Variants in ST3GAL4 observed in about 807,000 individuals in gnomAD.
The protein encoded by ST3GAL4 is CMP-N-acetylneuraminate-beta-galactosamide-alpha-2,3-sialyltransferase 4.
Under a neutral mutation model 42.6 loss-of-function variants are expected in ST3GAL4, and 24 were observed. The observed-to-expected ratio is 0.56, with a 90% CI of 0.41 to 0.79. ST3GAL4 has a LOEUF of 0.79. Ranked by LOEUF, ST3GAL4 falls within the 30% of genes least tolerant of loss-of-function variation. ST3GAL4 has a pLI of 0.00. For synonymous variants in ST3GAL4, 135 were observed against 163.2 expected, an observed-to-expected ratio of 0.83 and a Z score of 1.32; for missense variants, 311 against 430.8, an observed-to-expected ratio of 0.72 and a Z score of 2.46.
chr11:126,362,193 C>CTTT (rs763280766), intron 1 of ST3GAL4, among the ~76,000 whole-genome samples: 5 of 119,076 alleles, frequency 4.2e-5, no homozygotes, highest in African/African-American at 9.9e-5. Context: ...ACATTTCTTC[C>CTTT]TTTTTTTTTT....
rs956872542 is a variant in ST3GAL4, at chr11:126,398,272, T to C, written c.-60-7824T>C. The stretch of plus-strand genomic sequence containing the variant: ...GATATTCCATTCCAAAAGGGAGAGA[T>C]AGGCAAGAAGAAAGGGGCAACTGGT... On this transcript the variant is annotated intron_variant, in intron 1 of 10. Coordinates refer to ENST00000444328, the MANE Select transcript of ST3GAL4 (RefSeq NM_001254757.2). The surrounding 1 kb of genome is among the most constrained non-coding windows in gnomAD (Gnocchi z 4.7). Among the ~76,000 whole-genome samples the C allele has an allele frequency of 2.0e-5, 3 of 152,118 alleles. No homozygotes were observed. Among genetic ancestry groups the C allele is most frequent in the East Asian group, 1.9e-4 (1 of 5,186 alleles).
rs1270384674 is a variant in ST3GAL4, at chr11:126,363,275, C to G, written c.-61+7433C>G. Among the ~76,000 whole-genome samples the G allele has an allele frequency of 6.6e-6, 1 of 152,208 alleles. No individual in the cohort carries two copies. The highest frequency in any genetic ancestry group is 1.5e-5 in the Non-Finnish European group (1 of 68,028). Reference sequence around the variant, plus strand: ...GCCTTCTCTTTCCACCCCTAGATTTCTCACCATCTTCAGTGATCCCTCCTC... The same window carrying G: ...GCCTTCTCTTTCCACCCCTAGATTTGTCACCATCTTCAGTGATCCCTCCTC... On this transcript the variant is annotated intron_variant, in intron 1 of 10. Coordinates refer to ENST00000444328, the MANE Select transcript of ST3GAL4 (RefSeq NM_001254757.2). This position sits in a 1 kb window ranked among gnomAD's most constrained non-coding sequence, Gnocchi z 4.6.
chr11:126,390,049 G>GGGGGGCGCCT (rs1442856889), intron 1 of ST3GAL4, among the ~76,000 whole-genome samples: 1 of 148,052 alleles, frequency 6.8e-6, no homozygotes, highest in East Asian at 2.1e-4. Flanking sequence ...TGGGCGCGGT[G>GGGGGGCGCCT]GGGGGCGCCT....
rs1953265493 is a variant in ST3GAL4 at position 126,387,329 on chromosome 11, C to T, written c.-60-18767C>T. 3.3e-5 allele frequency among the ~76,000 whole-genome samples: 5 copies of T among 152,232 alleles called. No individual in the cohort carries two copies. The South Asian group carries it at 1.0e-3, about 32-fold the overall frequency. On this transcript the variant is annotated intron_variant, in intron 1 of 10. Coordinates refer to ENST00000444328, the MANE Select transcript of ST3GAL4 (RefSeq NM_001254757.2). ...GTGAGATTTCAATATTTTTTTTCTTCCTCCTTTTTTTAAATCAAATTTTAT... is the reference window on the plus strand; with the variant it reads ...GTGAGATTTCAATATTTTTTTTCTTTCTCCTTTTTTTAAATCAAATTTTAT...
Position 126,383,498 on chromosome 11 carries a change from TGGG to T in ST3GAL4, c.-60-22593_-60-22591del, listed in dbSNP as rs561363210. On this transcript the variant is annotated intron_variant, in intron 1 of 10. Transcript: ENST00000444328. This position sits in a 1 kb window ranked among gnomAD's most constrained non-coding sequence, Gnocchi z 4.5. ...AATGGGGGAAAAGAGTGCCCTGGCT[TGGG>T]GGGGCCCTCAAGCCCCGGAAGCTGT... Among the ~76,000 whole-genome samples the T allele has an allele frequency of 6.6e-6, 1 of 151,394 alleles. No homozygotes were observed. The highest frequency in any genetic ancestry group is 2.4e-5 in the African/African-American group (1 of 41,160).
rs576390423 is a variant in ST3GAL4, at chr11:126,384,001, C to T, written c.-60-22095C>T. The stretch of plus-strand genomic sequence containing the variant: ...CCCACCCTCATCTTTGCCGAGTCCT[C>T]GTCTGGGGGCCCTGCCCCACTCTCC... On this transcript the variant is annotated intron_variant, in intron 1 of 10. Transcript: ENST00000444328. This position sits in a 1 kb window ranked among gnomAD's most constrained non-coding sequence, Gnocchi z 5.5. 3.3e-5 allele frequency among the ~76,000 whole-genome samples: 5 copies of T among 152,298 alleles called. No homozygotes were observed. Among genetic ancestry groups the T allele is most frequent in the Admixed American group, 6.5e-5 (1 of 15,302 alleles).
At chr11:126,408,649 C>A in intron 8 of ST3GAL4, 153 bp downstream of exon 8, 2 of 900,298 alleles carry the variant, frequency 2.2e-6, no homozygotes, top group Non-Finnish European at 3.3e-6. Flanking sequence ...CCTTAGGCTG[C>A]CCTCCAAGGG....
intron 1 of ST3GAL4, among the ~76,000 whole-genome samples, chr11:126,374,376 C>T (rs566950243): frequency 1.4e-5 from 2 of 144,930 alleles, no homozygotes; most frequent in East Asian, 2.1e-4. Context: ...TGCTTGAACC[C>T]GGGAGGTGGA....
At chr11:126,404,760 T>A (rs566375216) in intron 1 of ST3GAL4, among the ~76,000 whole-genome samples, 1 of 152,382 alleles carries the variant, frequency 6.6e-6, no homozygotes, top group East Asian at 1.9e-4. Flanking sequence ...TGAGGCAGTC[T>A]GACCCTGGTC....
intron 1 of ST3GAL4, among the ~76,000 whole-genome samples, chr11:126,389,166 T>G (rs1953372088): frequency 6.6e-6 from 1 of 152,214 alleles, no homozygotes; most frequent in African/African-American, 2.4e-5. Context: ...AAATTTTATG[T>G]AGGTGAATAT....
chr11:126,394,586 G>A (rs1369903013), intron 1 of ST3GAL4, among the ~76,000 whole-genome samples: 2 of 151,924 alleles, frequency 1.3e-5, no homozygotes, highest in African/African-American at 2.4e-5. Context: ...CACCATGCCC[G>A]GCTAATTTTT....
At chr11:126,367,065 C>T (rs1387879739) in intron 1 of ST3GAL4, among the ~76,000 whole-genome samples, 4 of 152,010 alleles carry the variant, frequency 2.6e-5, no homozygotes, top group African/African-American at 7.3e-5. Context: ...TAGGGGGCAC[C>T]GTGGTGGAGA....
rs1193687622 is a variant in ST3GAL4 at position 126,414,162 on chromosome 11, G to A, written c.*115G>A. On this transcript the variant is annotated 3_prime_UTR_variant, in exon 11 of 11. Transcript: ENST00000444328. ...ACCCACTTGGACTCACCCCCTCTTG[G>A]GGAGGGAGTTCTGGGCCTGGCCAGG... is the stretch of plus-strand genomic sequence containing the variant. The A allele has an allele frequency of 9.9e-7, 1 of 1,012,658 alleles. No homozygotes were observed. The highest frequency in any genetic ancestry group is 1.5e-6 in the Non-Finnish European group (1 of 646,696). The allele number at this position is 1,012,658 out of a possible 1,614,324, so 62.7% of individuals were successfully genotyped here. A position where few individuals can be genotyped will look rare whatever the true frequency, so the allele number is the denominator to read the frequency against.
intron 1 of ST3GAL4, among the ~76,000 whole-genome samples, chr11:126,381,361 G>A (rs1231808557): frequency 3.9e-5 from 6 of 152,128 alleles, no homozygotes; most frequent in Non-Finnish European, 7.3e-5. Flanking sequence ...GACCCATTCC[G>A]GCTCCATATG....
rs559347319 is a variant in ST3GAL4, at chr11:126,406,813, A to C, written c.102-130A>C. 1.7e-5 allele frequency: 17 copies of C among 1,009,582 alleles called. No homozygotes were observed. The highest frequency in any genetic ancestry group is 2.6e-5 in the Non-Finnish European group (17 of 665,054). The allele number at this position is 1,009,582 out of a possible 1,614,324, so 62.5% of individuals were successfully genotyped here. A position where few individuals can be genotyped will look rare whatever the true frequency, so the allele number is the denominator to read the frequency against. ...CCTCAAGGACTTGGGTTCCAAGTGGAACTTAACTTGAGATGATTCCTCCCC... is the reference window on the plus strand; with the variant it reads ...CCTCAAGGACTTGGGTTCCAAGTGGCACTTAACTTGAGATGATTCCTCCCC... On this transcript the variant is annotated intron_variant, in intron 3 of 10. Coordinates refer to ENST00000444328, the MANE Select transcript of ST3GAL4 (RefSeq NM_001254757.2). This position sits in a 1 kb window ranked among gnomAD's most constrained non-coding sequence, Gnocchi z 5.4.
chr11:126,414,094 G>T lies in ST3GAL4; in HGVS notation c.*47G>T, dbSNP rs372127336. On this transcript the variant is annotated 3_prime_UTR_variant, in exon 11 of 11. Coordinates refer to ENST00000444328, the MANE Select transcript of ST3GAL4 (RefSeq NM_001254757.2). Reference sequence around the variant, plus strand: ...GTCGGTTGCCTACTCTGCTGTCTGGGTGACCCCCATGCGTGGCTGTGGGGG... The same window carrying T: ...GTCGGTTGCCTACTCTGCTGTCTGGTTGACCCCCATGCGTGGCTGTGGGGG... 29 of 1,599,228 alleles carry T rather than the reference G, an allele frequency of 1.8e-5. No individual in the cohort carries two copies. The East Asian group carries it at 2.2e-4, about 12-fold the overall frequency.
chr11:126,392,756 A>T lies in ST3GAL4; in HGVS notation c.-60-13340A>T, dbSNP rs1403802830. On this transcript the variant is annotated intron_variant, in intron 1 of 10. Coordinates refer to ENST00000444328, the MANE Select transcript of ST3GAL4 (RefSeq NM_001254757.2). This position sits in a 1 kb window ranked among gnomAD's most constrained non-coding sequence, Gnocchi z 5.8. Reference sequence around the variant, plus strand: ...TTGGTACTTGGGACAGTGTGGTTTAACTGCCACAAAGTTAATAAAGCAGCA... The same window carrying T: ...TTGGTACTTGGGACAGTGTGGTTTATCTGCCACAAAGTTAATAAAGCAGCA... 2.0e-5 allele frequency among the ~76,000 whole-genome samples: 3 copies of T among 152,126 alleles called. No homozygotes were observed. The highest frequency in any genetic ancestry group is 7.2e-5 in the African/African-American group (3 of 41,414).
chr11:126,413,029 A>G (rs898686363), intron 9 of ST3GAL4, among the ~76,000 whole-genome samples: 1 of 152,198 alleles, frequency 6.6e-6, no homozygotes, highest in Admixed American at 6.5e-5. Context: ...GGCCTCCCCC[A>G]GATGTGTGGA....
chr11:126,413,330 T>C (rs972921079), intron 9 of ST3GAL4, 175 bp from the exon 10 acceptor site: 1 of 589,676 alleles, frequency 1.7e-6, no homozygotes. Context: ...ATAAATTCAG[T>C]TCCTCAGCTG....
Sources: allele counts gnomAD v4.1 joint callset (sites outside exome capture counted in the v4.1 genomes callset), GRCh38; gene constraint gnomAD v4.1.1; non-coding constraint Gnocchi (gnomAD v3.1); transcripts MANE v1.5; gene names NCBI Gene and HGNC (gene_info 2026-07-23, HGNC 2026-07-21).